The following SLC35D2 variants were observed in gnomAD, a reference collection of about 807,000 sequenced individuals.
The protein encoded by SLC35D2 is nucleotide sugar transporter SLC35D2.
SLC35D2 carries 43 observed loss-of-function variants against 41.8 expected under a neutral mutation model. The observed-to-expected ratio is 1.03, with a 90% CI of 0.81 to 1.33. The LOEUF is 1.33. Ranked by LOEUF, SLC35D2 falls within the 40% of genes most tolerant of loss-of-function variation. SLC35D2 has a pLI of 0.00. For synonymous variants in SLC35D2, 150 were observed against 163.9 expected, an observed-to-expected ratio of 0.92 and a Z score of 0.65; for missense variants, 380 against 408.4, an observed-to-expected ratio of 0.93 and a Z score of 0.60.
downstream of SLC35D2, among the ~76,000 whole-genome samples, chr9:96,317,489 C>T (rs2130816674): frequency 6.6e-6 from 1 of 152,264 alleles, no homozygotes. Context: ...GTACAGCAAA[C>T]ATTTCAACTT....
At chr9:96,351,933 T>C (rs1435788431) in intron 5 of SLC35D2, 105 bp downstream of exon 5, 5 of 630,780 alleles carry the variant, frequency 7.9e-6, no homozygotes. Flanking sequence ...ATAAACCATT[T>C]GTCCTTAAAT....
intron 2 of SLC35D2, among the ~76,000 whole-genome samples, chr9:96,367,979 T>C (rs1830542137): frequency 6.6e-6 from 1 of 152,182 alleles, no homozygotes. Flanking sequence ...TGTGTTACCC[T>C]CCAGGCCTTG....
Position 96,324,112 on chromosome 9 carries a change from TGTC to T in SLC35D2, c.807_809del (p.Thr270del). ...TCACCTTGATGGCTCCAACCACTGCTGTCGTCAGGGCTGAATTGTAATAGCTGC... is the reference window on the plus strand; with the variant it reads ...TCACCTTGATGGCTCCAACCACTGCTGTCAGGGCTGAATTGTAATAGCTGC... On this transcript the variant is annotated inframe_deletion, in exon 10 of 12. Transcript: ENST00000253270. 1 of 1,613,998 alleles carries T rather than the reference TGTC, an allele frequency of 6.2e-7. No homozygotes were observed. Among genetic ancestry groups the T allele is most frequent in the South Asian group, 1.1e-5 (1 of 91,072 alleles).
In SLC35D2 at chr9:96,322,100, A is replaced by C. The variant is rs1402680811; in HGVS notation, c.832-20T>G. On this transcript the variant is annotated intron_variant, in intron 10 of 11. Transcript: ENST00000253270. ...TACATTCTGCAGAAAAAGAGAGAGG[A>C]TTCGTCATTTTAAAAGTAAACTGTT... 57 of 1,477,554 alleles carry C rather than the reference A, an allele frequency of 3.9e-5. No homozygotes were observed. Among genetic ancestry groups the C allele is most frequent in the Non-Finnish European group, 5.3e-5 (56 of 1,065,214 alleles). 91.5% of individuals were successfully genotyped at this position (1,477,554 alleles called of 1,614,324 possible).
downstream of SLC35D2, among the ~76,000 whole-genome samples, chr9:96,319,449 G>A (rs1378332205): frequency 6.6e-6 from 1 of 152,004 alleles, no homozygotes; most frequent in Non-Finnish European, 1.5e-5. Context: ...CTACTGGACT[G>A]TATACACTTA....
intron 9 of SLC35D2, among the ~76,000 whole-genome samples, chr9:96,328,895 C>A (rs553713234): frequency 6.6e-6 from 1 of 152,048 alleles, no homozygotes; most frequent in South Asian, 2.1e-4. Flanking sequence ...GAGTGCCAGC[C>A]TGGACAACAT....
intron 2 of SLC35D2, among the ~76,000 whole-genome samples, chr9:96,367,858 C>G (rs192562294): frequency 1.3e-5 from 2 of 152,044 alleles, no homozygotes; most frequent in South Asian, 4.1e-4. Flanking sequence ...GTGGGTCCCA[C>G]CCCATCTCTC....
intron 4 of SLC35D2, among the ~76,000 whole-genome samples, chr9:96,358,080 T>TATATTATATATATATATATA (rs1554715405): frequency 8.1e-6 from 1 of 122,712 alleles, no homozygotes; most frequent in Non-Finnish European, 1.6e-5. Flanking sequence ...ATTATATATT[T>TATATTATATATATATATATA]TATATATATA....
intron 1 of SLC35D2, among the ~76,000 whole-genome samples, chr9:96,369,633 T>C (rs34610353): frequency 0.025 from 3,859 of 152,318 alleles, 72 homozygotes; most frequent in Middle Eastern, 0.054. Flanking sequence ...CATATATGGA[T>C]GCCTGATTTA....
At chr9:96,360,034 ATATTATTGTCT>A in intron 4 of SLC35D2, 109 bp downstream of exon 4, 1 of 584,296 alleles carries the variant, frequency 1.7e-6, no homozygotes, top group East Asian at 2.8e-5. Context: ...AAACTACTAA[ATATTATTGTCT>A]TCTATATATG....
At chr9:96,373,766 G>A (rs1830814867) in intron 1 of SLC35D2, among the ~76,000 whole-genome samples, 2 of 151,592 alleles carry the variant, frequency 1.3e-5, no homozygotes, top group South Asian at 4.2e-4. Context: ...TGTTTCAAGT[G>A]TCCCAGGCTG....
At chr9:96,324,634 C>G (rs1828431683) in intron 9 of SLC35D2, among the ~76,000 whole-genome samples, 2 of 148,816 alleles carry the variant, frequency 1.3e-5, no homozygotes, top group Non-Finnish European at 3.0e-5. Context: ...CTCACTGCAA[C>G]CTCCACCTCC....
chr9:96,317,102 C>T (rs1828070690), downstream of SLC35D2, among the ~76,000 whole-genome samples: 1 of 150,460 alleles, frequency 6.6e-6, no homozygotes, highest in Admixed American at 6.6e-5. Context: ...CGCGCCACTG[C>T]ATTCCAGCCT....
At chr9:96,380,950 G>T (rs900042302) in intron 1 of SLC35D2, among the ~76,000 whole-genome samples, 4 of 152,070 alleles carry the variant, frequency 2.6e-5, no homozygotes, top group Non-Finnish European at 5.9e-5. Flanking sequence ...GAATACTGAC[G>T]GCCACAGGAT....
chr9:96,327,900 G>A (rs932177867), intron 9 of SLC35D2, among the ~76,000 whole-genome samples: 1 of 148,782 alleles, frequency 6.7e-6, no homozygotes, highest in Non-Finnish European at 1.5e-5. Context: ...GGGACTATAG[G>A]AATTAGTCAC....
At chr9:96,380,304 A>G (rs1831142443) in intron 1 of SLC35D2, among the ~76,000 whole-genome samples, 1 of 152,116 alleles carries the variant, frequency 6.6e-6, no homozygotes, top group African/African-American at 2.4e-5. Context: ...GCTTCCAATA[A>G]GAGGACTTGG....
At position 96,383,644 on chromosome 9, in the gene SLC35D2, C is replaced by T; in HGVS notation, c.-10G>A. Reference sequence around the variant, plus strand: ...GGCCGCCGGCCGTCATCTCCTGCGGCCCCGCGGACCCCGCCGCCCGCCAGC... The same window carrying T: ...GGCCGCCGGCCGTCATCTCCTGCGGTCCCGCGGACCCCGCCGCCCGCCAGC... On this transcript the variant is annotated 5_prime_UTR_variant, in exon 1 of 12. Transcript: ENST00000253270. The T allele has an allele frequency of 9.6e-7, 1 of 1,037,858 alleles. No individual in the cohort carries two copies. The highest frequency in any genetic ancestry group is 1.2e-6 in the Non-Finnish European group (1 of 866,970). The allele number at this position is 1,037,858 out of a possible 1,614,324, so 64.3% of individuals were successfully genotyped here.
chr9:96,372,982 C>T (rs1008617844), intron 1 of SLC35D2, among the ~76,000 whole-genome samples: 1 of 151,614 alleles, frequency 6.6e-6, no homozygotes, highest in Non-Finnish European at 1.5e-5. Context: ...TCACTGCAAC[C>T]TCTGCCTCCT....
At chr9:96,380,894 T>C (rs893152132) in intron 1 of SLC35D2, among the ~76,000 whole-genome samples, 13 of 152,182 alleles carry the variant, frequency 8.5e-5, no homozygotes, top group African/African-American at 1.9e-4. Flanking sequence ...GTGTTTTCCA[T>C]GGACACCAGG....
Sources: gnomAD v4.1 joint callset for allele counts (sites outside exome capture counted in the v4.1 genomes callset) on GRCh38, gnomAD v4.1.1 for gene constraint, MANE v1.5 for transcripts, NCBI Gene and HGNC (gene_info 2026-07-23, HGNC 2026-07-21) for gene names.